The following ROBO2 variants were observed in gnomAD, a reference collection of about 807,000 sequenced individuals.
The protein encoded by ROBO2 is roundabout guidance receptor 2.
Under a neutral mutation model 160.8 loss-of-function variants are expected in ROBO2, and 53 were observed. The ratio of observed to expected loss-of-function variants is 0.33; its 90% CI spans 0.26 to 0.41. The LOEUF (loss-of-function observed/expected upper bound fraction) is 0.41, where lower values mean the gene tolerates loss of function less well. ROBO2 is among the 10% of genes least tolerant of loss of function. The pLI is 1.00. For missense variants in ROBO2, 1,577 were observed against 1,722.4 expected (o/e 0.92, Z 1.49); for synonymous variants, 664 against 611.7 (o/e 1.09, Z -1.26).
At chr3:77,558,299 T>A (rs1168306554) in intron 9 of ROBO2, 150 bp downstream of exon 10, 3 of 710,828 alleles carry the variant, frequency 4.2e-6, no homozygotes, top group South Asian at 1.7e-5. Context: ...TTAAAAATGA[T>A]GAAATGAAAT....
At chr3:76,925,558 A>G (rs1370717838) in intron 2 of ROBO2, among the ~76,000 whole-genome samples, 2 of 152,232 alleles carry the variant, frequency 1.3e-5, no homozygotes, top group East Asian at 1.9e-4. Flanking sequence ...CTTAAACAAC[A>G]TAGCAGAAGT....
At chr3:77,499,282 T>C (rs1403278817) in intron 5 of ROBO2, among the ~76,000 whole-genome samples, 1 of 152,222 alleles carries the variant, frequency 6.6e-6, no homozygotes, top group East Asian at 1.9e-4. Context: ...CTATTTAAAC[T>C]CTATGTTTTA....
At chr3:76,240,860 A>G (rs1705242306) in intron 2 of ROBO2, among the ~76,000 whole-genome samples, 1 of 152,226 alleles carries the variant, frequency 6.6e-6, no homozygotes, top group Non-Finnish European at 1.5e-5. Context: ...TCCTAAGGTC[A>G]CTTCCAACTC....
chr3:75,971,605 T>C lies in ROBO2; in HGVS notation c.109+34003T>C, dbSNP rs1435958043. On this transcript the variant is annotated intron_variant, in intron 2 of 26. Coordinates refer to the ROBO2 transcript ENST00000487694. ...GGTAGCATATAATTTTTTAACCATC[T>C]AGATTATTAAAAATTCATTTAAAAA... is the stretch of plus-strand genomic sequence containing the variant. 4.0e-5 allele frequency among the ~76,000 whole-genome samples: 6 copies of C among 151,658 alleles called. No individual in the cohort carries two copies. The South Asian group carries it at 1.2e-3, about 31-fold the overall frequency.
In ROBO2 at chr3:76,731,014, T is replaced by TCCTCACCTCCTACTCCCTACCCGCTTG. The variant is rs2093630129; in HGVS notation, c.110-367000_110-366999insCCTCACCTCCTACTCCCTACCCGCTTG. Reference sequence around the variant, plus strand: ...CTCACCTCCTACTCCCTACCCGCTTTTCCTCACCTCCTACTCCCTACCCGC... The same window carrying TCCTCACCTCCTACTCCCTACCCGCTTG: ...CTCACCTCCTACTCCCTACCCGCTTTCCTCACCTCCTACTCCCTACCCGCTTGTCCTCACCTCCTACTCCCTACCCGC... On this transcript the variant is annotated intron_variant, in intron 2 of 26. Coordinates refer to the ROBO2 transcript ENST00000487694. 7.4e-5 allele frequency among the ~76,000 whole-genome samples: 2 copies of TCCTCACCTCCTACTCCCTACCCGCTTG among 26,850 alleles called. 1 individual carries two copies. The highest frequency in any genetic ancestry group is 3.3e-4 in the African/African-American group (2 of 6,072). The allele number at this position is 26,850 out of a possible 152,430, so 17.6% of individuals were successfully genotyped here. A position where few individuals can be genotyped will look rare whatever the true frequency, so the allele number is the denominator to read the frequency against.
intron 5 of ROBO2, among the ~76,000 whole-genome samples, chr3:77,508,378 C>A (rs1187334239): frequency 6.8e-6 from 1 of 147,126 alleles, no homozygotes; most frequent in Non-Finnish European, 1.5e-5. Flanking sequence ...ATGTTGTAAG[C>A]TATATAGTGA....
At chr3:76,655,439 CATAT>C (rs747521584) in intron 2 of ROBO2, among the ~76,000 whole-genome samples, 859 of 57,782 alleles carry the variant, frequency 0.015, 47 homozygotes, top group African/African-American at 0.043. Context: ...GATTTTTTTC[CATAT>C]ATATATATAT....
chr3:76,287,405 C>T (rs1031523553), intron 2 of ROBO2, among the ~76,000 whole-genome samples: 1 of 151,714 alleles, frequency 6.6e-6, no homozygotes, highest in Non-Finnish European at 1.5e-5. Flanking sequence ...AAGCAATTCT[C>T]CTGCCTCAGC....
At chr3:76,630,292 C>T (rs957136706) in intron 2 of ROBO2, among the ~76,000 whole-genome samples, 2 of 145,488 alleles carry the variant, frequency 1.4e-5, no homozygotes, top group African/African-American at 2.8e-5. Context: ...GGGGTGGTGT[C>T]CTGTCCAGGG....
chr3:76,370,992 C>A (rs2076071804), intron 2 of ROBO2, among the ~76,000 whole-genome samples: 1 of 151,848 alleles, frequency 6.6e-6, no homozygotes, highest in African/African-American at 2.4e-5. Context: ...TCATTGCACT[C>A]ACCCTAGAAA....
In ROBO2 at chr3:77,588,943, T is replaced by C. The variant is rs1218906209; in HGVS notation, c.2683+10T>C. ...CTCAGTAATTATGCTGGTAAGTGAC[T>C]ATTTCCAGCTAAGAAAATCTCTTGT... On this transcript the variant is annotated intron_variant, in intron 17 of 25. Transcript: ENST00000461745. 2 of 1,612,078 alleles carry C rather than the reference T, an allele frequency of 1.2e-6. No individual in the cohort carries two copies. Among genetic ancestry groups the C allele is most frequent in the Non-Finnish European group, 1.7e-6 (2 of 1,178,280 alleles).
chr3:77,199,998 A>AT (rs1205157155), intron 2 of ROBO2, among the ~76,000 whole-genome samples: 3 of 151,532 alleles, frequency 2.0e-5, no homozygotes, highest in Non-Finnish European at 4.4e-5. Flanking sequence ...TTCTTATTAC[A>AT]TATTATTGCA....
At chr3:77,556,615 T>C (rs2093132094) in intron 8 of ROBO2, among the ~76,000 whole-genome samples, 1 of 151,858 alleles carries the variant, frequency 6.6e-6, no homozygotes, top group South Asian at 2.1e-4. Flanking sequence ...GATAGTAATT[T>C]TAAGCTGCCA....
chr3:77,236,369 G>C (rs754092310), intron 2 of ROBO2, among the ~76,000 whole-genome samples: 4 of 152,102 alleles, frequency 2.6e-5, no homozygotes, highest in Non-Finnish European at 4.4e-5. Context: ...AATGTTCATC[G>C]GACTTAAGGT....
At chr3:76,219,086 G>T (rs1210148193) in intron 2 of ROBO2, among the ~76,000 whole-genome samples, 4 of 152,158 alleles carry the variant, frequency 2.6e-5, no homozygotes, top group Non-Finnish European at 5.9e-5. Flanking sequence ...TTAATAAATG[G>T]TGCTGGGAAA....
At chr3:77,081,053 T>G (rs1209095575) in intron 1 of ROBO2, among the ~76,000 whole-genome samples, 1 of 152,208 alleles carries the variant, frequency 6.6e-6, no homozygotes, top group African/African-American at 2.4e-5. Flanking sequence ...GTGTTTATAC[T>G]CACGTGCATG....
intron 1 of ROBO2, among the ~76,000 whole-genome samples, chr3:75,909,850 G>C (rs1175407692): frequency 6.6e-6 from 1 of 152,208 alleles, no homozygotes; most frequent in Non-Finnish European, 1.5e-5. Flanking sequence ...TATCCCTCAG[G>C]AAAGAGCAAG....
chr3:77,604,324 G>A (rs1273396793), intron 20 of ROBO2, among the ~76,000 whole-genome samples: 2 of 151,940 alleles, frequency 1.3e-5, no homozygotes, highest in African/African-American at 4.8e-5. Context: ...TTTATCCTGG[G>A]CTTCCTTTTT....
intron 6 of ROBO2, among the ~76,000 whole-genome samples, chr3:77,540,579 G>T (rs1222478473): frequency 6.6e-6 from 1 of 151,972 alleles, no homozygotes; most frequent in African/African-American, 2.4e-5. Flanking sequence ...GGGCAGTGGG[G>T]GCGCGCAGGG....
Sources: gnomAD v4.1 joint callset for allele counts (sites outside exome capture counted in the v4.1 genomes callset) on GRCh38, gnomAD v4.1.1 for gene constraint, MANE v1.5 for transcripts, NCBI Gene and HGNC (gene_info 2026-07-23, HGNC 2026-07-21) for gene names.